Variants in PTPRF observed in about 807,000 individuals in gnomAD.
PTPRF encodes the protein protein tyrosine phosphatase receptor type F.
In PTPRF, 59 loss-of-function variants were observed where a neutral mutation model predicts 201.8. The observed-to-expected ratio is 0.29, with a 90% CI of 0.24 to 0.36. PTPRF has a LOEUF of 0.36. Ranked by LOEUF, PTPRF falls within the 10% of genes least tolerant of loss-of-function variation. The probability of loss-of-function intolerance (pLI) is 1.00; values close to 1 mark genes in which losing one functional copy is unlikely to be tolerated. For synonymous variants in PTPRF, 1,088 were observed against 1,089.7 expected, an observed-to-expected ratio of 1.00 and a Z score of 0.03; for missense variants, 2,132 against 2,690.5, an observed-to-expected ratio of 0.79 and a Z score of 4.59.
chr1:43,592,251 G>A (rs1256641588), intron 10 of PTPRF, among the ~76,000 whole-genome samples: 3 of 152,164 alleles, frequency 2.0e-5, no homozygotes, highest in Non-Finnish European at 4.4e-5. Flanking sequence ...GTCCCAGATG[G>A]CTCCTGTGGT....
chr1:43,620,414 C>T (rs765778072), intron 30 of PTPRF, 40 bp from the exon 31 acceptor site: 9 of 1,582,120 alleles, frequency 5.7e-6, no homozygotes, highest in Admixed American at 1.7e-5. Flanking sequence ...TCCCCTATTC[C>T]TTCTCACCTG....
chr1:43,618,415 A>T lies in PTPRF; in HGVS notation c.4372-215A>T, dbSNP rs551816111. Among the ~76,000 whole-genome samples, 14 of 152,320 alleles carry T rather than the reference A, an allele frequency of 9.2e-5. No individual in the cohort carries two copies. The South Asian group carries it at 2.9e-3, about 32-fold the overall frequency. On this transcript the variant is annotated intron_variant, in intron 25 of 33. Coordinates refer to ENST00000359947, the MANE Select transcript of PTPRF (RefSeq NM_002840.5). Reference sequence around the variant, plus strand: ...GGCGTTGAATAAATAATTTTCAATTATGACCCTTATTCCACTAGCTAGGGC... The same window carrying T: ...GGCGTTGAATAAATAATTTTCAATTTTGACCCTTATTCCACTAGCTAGGGC...
At chr1:43,536,564 G>T (rs1644024090) in intron 1 of PTPRF, among the ~76,000 whole-genome samples, 1 of 152,194 alleles carries the variant, frequency 6.6e-6, no homozygotes, top group Non-Finnish European at 1.5e-5. Flanking sequence ...CCCTGCCTTG[G>T]ACTCTGCCCC....
chr1:43,590,365 T>C (rs1225118847), intron 8 of PTPRF, among the ~76,000 whole-genome samples: 1 of 152,246 alleles, frequency 6.6e-6, no homozygotes, highest in Non-Finnish European at 1.5e-5. Context: ...AGCAGGGATG[T>C]GACTGTGTGG....
intron 22 of PTPRF, 90 bp from the exon 23 acceptor site, chr1:43,613,528 C>A: frequency 9.5e-7 from 1 of 1,047,142 alleles, no homozygotes; most frequent in Non-Finnish European, 1.5e-6. Flanking sequence ...CACACATGTT[C>A]ACATGTGCAC....
upstream of PTPRF, among the ~76,000 whole-genome samples, chr1:43,529,515 C>T (rs1222464490): frequency 1.3e-5 from 2 of 152,190 alleles, no homozygotes; most frequent in South Asian, 2.1e-4. Flanking sequence ...ATCAGAAAGA[C>T]CCCACAGAAG....
chr1:43,609,128 A>G (rs1166296838), intron 21 of PTPRF, among the ~76,000 whole-genome samples: 2 of 151,288 alleles, frequency 1.3e-5, no homozygotes, highest in African/African-American at 4.9e-5. Flanking sequence ...CGCCCCTGCA[A>G]CCCCTTCCTC....
chr1:43,609,838 G>A (rs1163287458), intron 22 of PTPRF, among the ~76,000 whole-genome samples: 1 of 152,204 alleles, frequency 6.6e-6, no homozygotes. Context: ...TCTGGCGCAC[G>A]CTCTGACGCC....
At chr1:43,570,700 C>T (rs980336625) in intron 6 of PTPRF, among the ~76,000 whole-genome samples, 1 of 152,258 alleles carries the variant, frequency 6.6e-6, no homozygotes, top group African/African-American at 2.4e-5. Context: ...CCTCACAGCC[C>T]CTTGGTGCCC....
At chr1:43,561,656 G>C (rs1187295153) in intron 5 of PTPRF, among the ~76,000 whole-genome samples, 1 of 152,150 alleles carries the variant, frequency 6.6e-6, no homozygotes, top group Non-Finnish European at 1.5e-5. Flanking sequence ...TCTGTGACCT[G>C]TCCTTACACC....
intron 22 of PTPRF, among the ~76,000 whole-genome samples, chr1:43,612,197 T>C (rs1656609084): frequency 6.6e-6 from 1 of 152,094 alleles, no homozygotes; most frequent in South Asian, 2.1e-4. Flanking sequence ...GGGAGGACCG[T>C]TGGCTTTGGC....
intron 26 of PTPRF, 64 bp downstream of exon 26, chr1:43,618,813 G>A: frequency 6.4e-7 from 1 of 1,567,438 alleles, no homozygotes; most frequent in Non-Finnish European, 8.7e-7. Flanking sequence ...CCTGGGTGTG[G>A]TGTGCTGGGT....
At chr1:43,602,182 G>A (rs1240272486) in intron 14 of PTPRF, 85 bp downstream of exon 14, 5 of 1,498,314 alleles carry the variant, frequency 3.3e-6, no homozygotes, top group African/African-American at 2.8e-5. Context: ...TTTCCTGCTA[G>A]CCTGCACTGC....
chr1:43,576,778 G>A (rs1646957844), intron 6 of PTPRF, among the ~76,000 whole-genome samples: 1 of 152,220 alleles, frequency 6.6e-6, no homozygotes, highest in South Asian at 2.1e-4. Context: ...GTAAAATGGT[G>A]GCTTGTCTAT....
At chr1:43,559,404 G>A (rs867812824) in intron 5 of PTPRF, among the ~76,000 whole-genome samples, 25 of 152,176 alleles carry the variant, frequency 1.6e-4, no homozygotes, top group Admixed American at 1.4e-3. Flanking sequence ...TATGGGCTAT[G>A]TATACAGCAA....
At chr1:43,581,283 G>A (rs1326303970) in intron 7 of PTPRF, among the ~76,000 whole-genome samples, 1 of 152,166 alleles carries the variant, frequency 6.6e-6, no homozygotes, top group South Asian at 2.1e-4. Context: ...TAGGAAATAC[G>A]GGGGTTCCTT....
chr1:43,615,287 G>GT (rs1354604086), intron 23 of PTPRF, among the ~76,000 whole-genome samples: 1 of 152,078 alleles, frequency 6.6e-6, no homozygotes, highest in Non-Finnish European at 1.5e-5. Context: ...CACGGAGCCC[G>GT]TAAGGTGGGC....
chr1:43,560,251 G>T (rs1466230656), intron 5 of PTPRF, among the ~76,000 whole-genome samples: 1 of 147,746 alleles, frequency 6.8e-6, no homozygotes, highest in African/African-American at 2.6e-5. Context: ...GCAGCAGGCA[G>T]TGTGTGTGTG....
chr1:43,587,695 C>A (rs1057256428), intron 7 of PTPRF, among the ~76,000 whole-genome samples: 3 of 152,210 alleles, frequency 2.0e-5, no homozygotes, highest in African/African-American at 7.2e-5. Context: ...TGCTGCCTGC[C>A]GCCTTTGGCC....
Sources: gnomAD v4.1 joint callset for allele counts (sites outside exome capture counted in the v4.1 genomes callset) on GRCh38, gnomAD v4.1.1 for gene constraint, MANE v1.5 for transcripts, NCBI Gene and HGNC (gene_info 2026-07-23, HGNC 2026-07-21) for gene names.